Variants in DACH2 observed in about 807,000 individuals in gnomAD.
The protein encoded by DACH2 is dachshund family transcription factor 2.
DACH2 carries 17 observed loss-of-function variants against 35.8 expected under a neutral mutation model. The ratio of observed to expected loss-of-function variants is 0.48; its 90% CI spans 0.33 to 0.71. The LOEUF is 0.71. Among genes scored for constraint, DACH2 ranks in the 30% least tolerant of loss-of-function variants. The probability of loss-of-function intolerance (pLI) is 0.02; values close to 1 mark genes in which losing one functional copy is unlikely to be tolerated. For missense variants in DACH2, 469 were observed against 472.7 expected (o/e 0.99, Z 0.07); for synonymous variants, 195 against 177.3 (o/e 1.10, Z -0.79).
At chrX:86,549,174 G>A (rs1462356755) in intron 3 of DACH2, among the ~76,000 whole-genome samples, 5 of 111,311 alleles carry the variant, frequency 4.5e-5, no homozygotes, top group African/African-American at 1.6e-4. Context: ...ATTTCTTTAG[G>A]TTAATGGCTG....
At chrX:86,176,914 G>C (rs1162911648) in intron 1 of DACH2, among the ~76,000 whole-genome samples, 1 of 111,590 alleles carries the variant, frequency 9.0e-6, no homozygotes, top group Non-Finnish European at 1.9e-5. Context: ...TTATTAGTAC[G>C]TCATATATTC....
intron 7 of DACH2, among the ~76,000 whole-genome samples, chrX:86,783,816 AAAG>A (rs1191777081): frequency 4.5e-5 from 5 of 111,404 alleles, no homozygotes; most frequent in African/African-American, 1.3e-4. Context: ...TACAGAATAG[AAAG>A]AAGGCTACCA....
At chrX:86,211,688 G>T (rs2032448899) in intron 1 of DACH2, among the ~76,000 whole-genome samples, 1 of 111,702 alleles carries the variant, frequency 9.0e-6, no homozygotes, top group African/African-American at 3.2e-5. Context: ...AGTGCTATTT[G>T]TACACCCTTT....
intron 7 of DACH2, chrX:86,742,663 G>C (rs1175701800): frequency 3.3e-6 from 1 of 302,409 alleles, no homozygotes; most frequent in Non-Finnish European, 6.4e-6. Flanking sequence ...CAACAATAGA[G>C]AGGAACTTAT....
At chrX:86,293,552 C>T (rs1349648558) in intron 1 of DACH2, among the ~76,000 whole-genome samples, 9 of 109,958 alleles carry the variant, frequency 8.2e-5, no homozygotes, top group Admixed American at 4.8e-4. Context: ...GATTTGGCAG[C>T]GGCTGGTACC....
intron 1 of DACH2, among the ~76,000 whole-genome samples, chrX:86,212,800 G>A (rs142455223): frequency 1.8e-5 from 2 of 111,307 alleles, no homozygotes; most frequent in East Asian, 5.6e-4. Flanking sequence ...TTAAGACAAT[G>A]TGTTCTAAAT....
chrX:86,300,628 A>T (rs938750840), intron 1 of DACH2, among the ~76,000 whole-genome samples: 1 of 111,355 alleles, frequency 9.0e-6, no homozygotes, highest in Non-Finnish European at 1.9e-5. Context: ...TGGCACATGT[A>T]TACATATGTA....
intron 1 of DACH2, among the ~76,000 whole-genome samples, chrX:86,193,771 C>A (rs947729326): frequency 9.0e-6 from 1 of 110,832 alleles, no homozygotes; most frequent in African/African-American, 3.3e-5. Context: ...TTTTTAAGTT[C>A]TAGGTACTAA....
chrX:86,369,516 A>T (rs1048149448), intron 1 of DACH2, among the ~76,000 whole-genome samples: 1 of 110,450 alleles, frequency 9.1e-6, no homozygotes, highest in Non-Finnish European at 1.9e-5. Context: ...GATTGTCTTC[A>T]TCTGCAGCTA....
At chrX:86,787,386 A>G (rs145647894) in intron 7 of DACH2, among the ~76,000 whole-genome samples, 3,363 of 111,319 alleles carry the variant, frequency 0.03, 127 homozygotes, top group African/African-American at 0.1. Flanking sequence ...TTGGGAGGCC[A>G]AGGAGGTTGG....
chrX:86,679,103 C>T, intron 4 of DACH2, among the ~76,000 whole-genome samples: 1 of 103,266 alleles, frequency 9.7e-6, no homozygotes, highest in East Asian at 2.9e-4. Context: ...ACCTCCATTT[C>T]TACAATAATT....
intron 1 of DACH2, among the ~76,000 whole-genome samples, chrX:86,329,232 C>T (rs1429844228): frequency 1.8e-5 from 2 of 110,450 alleles, no homozygotes; most frequent in Non-Finnish European, 3.8e-5. Context: ...CTTTGGTATC[C>T]GTAAAGAAGT....
intron 3 of DACH2, among the ~76,000 whole-genome samples, chrX:86,583,571 A>C (rs745687558): frequency 2.4e-4 from 26 of 108,865 alleles, no homozygotes; most frequent in Non-Finnish European, 4.4e-4. Flanking sequence ...TTATTATTAT[A>C]CTTTAAGTTT....
intron 3 of DACH2, among the ~76,000 whole-genome samples, chrX:86,605,316 G>A (rs924591603): frequency 1.2e-4 from 13 of 110,704 alleles, no homozygotes; most frequent in African/African-American, 1.6e-4. Context: ...TGGTCTGCTG[G>A]TACTTTGTTC....
At chrX:86,411,058 G>T (rs1283096911) in intron 2 of DACH2, among the ~76,000 whole-genome samples, 1 of 31,087 alleles carries the variant, frequency 3.2e-5, no homozygotes, top group Non-Finnish European at 6.3e-5. Flanking sequence ...GTAAAGGGGA[G>T]TTTATTTAGT....
chrX:86,605,515 T>C (rs907405282), intron 3 of DACH2, among the ~76,000 whole-genome samples: 33 of 111,536 alleles, frequency 3.0e-4, no homozygotes, highest in African/African-American at 1.1e-3. Flanking sequence ...TTTGTTCTTT[T>C]ATACGTAATA....
chrX:86,160,726 C>A, intron 1 of DACH2: 1 of 464,248 alleles, frequency 2.2e-6, no homozygotes, highest in South Asian at 3.3e-5. Context: ...AGCTTTATTT[C>A]ATTTCACTCG....
At chrX:86,211,316 T>C (rs1041271356) in intron 1 of DACH2, among the ~76,000 whole-genome samples, 4 of 111,656 alleles carry the variant, frequency 3.6e-5, no homozygotes, top group African/African-American at 9.7e-5. Context: ...TACTCTTAAG[T>C]ATATTTATAT....
intron 2 of DACH2, among the ~76,000 whole-genome samples, chrX:86,496,414 G>A (rs1308511315): frequency 9.0e-6 from 1 of 110,966 alleles, no homozygotes; most frequent in Non-Finnish European, 1.9e-5. Context: ...TGTAGGTATA[G>A]AATTCTAGAT....
Sources: allele counts gnomAD v4.1 joint callset (sites outside exome capture counted in the v4.1 genomes callset), GRCh38; gene constraint gnomAD v4.1.1; transcripts MANE v1.5; gene names NCBI Gene and HGNC (gene_info 2026-07-23, HGNC 2026-07-21).